The following FBXL12 variants were observed in gnomAD, a reference collection of about 807,000 sequenced individuals.
FBXL12 encodes the protein F-box and leucine rich repeat protein 12, also known as F-box/LRR-repeat protein 12.
In FBXL12, 22 loss-of-function variants were observed where a neutral mutation model predicts 24.9. The observed-to-expected ratio is 0.88, with a 90% CI of 0.63 to 1.26. The LOEUF is 1.26. Ranked by LOEUF, FBXL12 falls within the 50% of genes most tolerant of loss-of-function variation. The pLI is 0.00. For synonymous variants in FBXL12, 193 were observed against 193.8 expected (o/e 1.00, Z 0.03); for missense variants, 384 against 434.1 (o/e 0.88, Z 1.03).
chr19:9,811,679 G>A lies in FBXL12; in HGVS notation c.198C>T (p.Tyr66=). The A allele has an allele frequency of 6.6e-7, 1 of 1,515,492 alleles. No homozygotes were observed. Among genetic ancestry groups the A allele is most frequent in the Non-Finnish European group, 8.8e-7 (1 of 1,132,620 alleles). 93.9% of individuals were successfully genotyped at this position (1,515,492 alleles called of 1,614,324 possible). A position where few individuals can be genotyped will look rare whatever the true frequency, so the allele number is the denominator to read the frequency against. ...GCAGGGAATGGAGCCGGGATGCCATGTACCTTCGAAGGAGGTGCCACATGA... is the reference window on the plus strand; with the variant it reads ...GCAGGGAATGGAGCCGGGATGCCATATACCTTCGAAGGAGGTGCCACATGA... ...PKVMWHLLRR[Y]MASRLHSLRM... The change falls in exon 3 of 3, where the codon TAC becomes TAT. Residue 66 remains tyrosine (Y), a synonymous_variant. Coordinates refer to ENST00000247977, the MANE Select transcript of FBXL12 (RefSeq NM_017703.3). The surrounding 1 kb of genome is among the most constrained non-coding windows in gnomAD (Gnocchi z 6.0).
chr19:9,811,064 G>C lies in FBXL12; in HGVS notation c.813C>G (p.Pro271=). The C allele has an allele frequency of 6.2e-7, 1 of 1,612,286 alleles. No individual in the cohort carries two copies. The highest frequency in any genetic ancestry group is 8.5e-7 in the Non-Finnish European group (1 of 1,178,678). The change falls in exon 3 of 3, where the codon CCC becomes CCG. Residue 271 remains proline, a synonymous_variant. Transcript: ENST00000247977. This position sits in a 1 kb window ranked among gnomAD's most constrained non-coding sequence, Gnocchi z 6.0. ...GPLVTPEMPS[P]TEILSSCLTM... is the part of the protein sequence containing the mutation. ...TGAGGCAGGAGGAGAGGATTTCAGTGGGGGAGGGCATTTCTGGGGTGACGA... is the reference window on the plus strand; with the variant it reads ...TGAGGCAGGAGGAGAGGATTTCAGTCGGGGAGGGCATTTCTGGGGTGACGA...
chr19:9,812,110 T>C (rs1213753107), intron 2 of FBXL12, among the ~76,000 whole-genome samples: 1 of 151,976 alleles, frequency 6.6e-6, no homozygotes, highest in Non-Finnish European at 1.5e-5. Context: ...TGATTTTTAG[T>C]AGAGATGAGG....
chr19:9,811,508 G>A lies in FBXL12; in HGVS notation c.369C>T (p.Pro123=). 1.2e-6 allele frequency: 2 copies of A among 1,613,760 alleles called. No homozygotes were observed. Among genetic ancestry groups the A allele is most frequent in the South Asian group, 1.1e-5 (1 of 91,026 alleles). The change falls in exon 3 of 3, where the codon CCC becomes CCT. Residue 123 remains proline (P), a synonymous_variant. Coordinates refer to ENST00000247977, the MANE Select transcript of FBXL12 (RefSeq NM_017703.3). This position sits in a 1 kb window ranked among gnomAD's most constrained non-coding sequence, Gnocchi z 6.0. ...GCAGCTCCAGGGTCCTCAAGGTGCT[G>A]GGCAGGCTGGTGATGGGCACCATGC... ...DLSMVPITSL[P]STLRTLELHS...
At chr19:9,817,069 T>G (rs889136536) in intron 2 of FBXL12, among the ~76,000 whole-genome samples, 1 of 151,974 alleles carries the variant, frequency 6.6e-6, no homozygotes, top group African/African-American at 2.4e-5. Context: ...TTTCCCCGGG[T>G]CCCTCCCACA....
chr19:9,817,590 AC>A (rs1189594497), intron 2 of FBXL12, among the ~76,000 whole-genome samples: 1 of 152,184 alleles, frequency 6.6e-6, no homozygotes, highest in Admixed American at 6.6e-5. Flanking sequence ...TAATCCCAGC[AC>A]TTTGGGAGAC....
intron 2 of FBXL12, 94 bp downstream of exon 2, chr19:9,818,451 G>T: frequency 7.4e-7 from 1 of 1,346,176 alleles, no homozygotes; most frequent in Non-Finnish European, 1.0e-6. Context: ...TCCCCAGCCC[G>T]GGCCCCGACA....
Position 9,818,959 on chromosome 19 carries a change from C to T in FBXL12, c.-146G>A. The T allele has an allele frequency of 1.3e-6, 1 of 764,846 alleles. No homozygotes were observed. Among genetic ancestry groups the T allele is most frequent in the Non-Finnish European group, 2.1e-6 (1 of 470,754 alleles). The allele number at this position is 764,846 out of a possible 1,614,324, so 47.4% of individuals were successfully genotyped here. The stretch of plus-strand genomic sequence containing the variant: ...TCCTCTCGCTGGGAAGTGATTCGGT[C>T]CCAGGGCCGGACCAGCCGCGGATGG... On this transcript the variant is annotated 5_prime_UTR_variant, in exon 1 of 3. Coordinates refer to ENST00000247977, the MANE Select transcript of FBXL12 (RefSeq NM_017703.3).
intron 2 of FBXL12, among the ~76,000 whole-genome samples, chr19:9,817,632 T>C (rs750262212): frequency 4.4e-4 from 67 of 152,080 alleles, no homozygotes; most frequent in Admixed American, 2.6e-3. Context: ...AGTCCAGGAG[T>C]TCGAGACCAT....
At position 9,818,838 on chromosome 19, in the gene FBXL12, T is replaced by C; in HGVS notation, c.-25A>G. The stretch of plus-strand genomic sequence containing the variant: ...TGATCCCGCCGACACGCACTTCCGC[T>C]TCCGGTTAAAGAGACCCGAGGGGTC... On this transcript the variant is annotated 5_prime_UTR_variant, in exon 1 of 3. Transcript: ENST00000247977. 6.5e-7 allele frequency: 1 copy of C among 1,544,340 alleles called. No homozygotes were observed. The highest frequency in any genetic ancestry group is 8.8e-7 in the Non-Finnish European group (1 of 1,141,184).
Position 9,810,571 on chromosome 19 carries a change from C to T in FBXL12, c.*325G>A, listed in dbSNP as rs1024968491. On this transcript the variant is annotated 3_prime_UTR_variant, in exon 3 of 3. Coordinates refer to ENST00000247977, the MANE Select transcript of FBXL12 (RefSeq NM_017703.3). ...TCTTCATCCGTCCTGTTCCTGAAGACGACCATGAAGGTGACTCTTCATTGA... is the reference window on the plus strand; with the variant it reads ...TCTTCATCCGTCCTGTTCCTGAAGATGACCATGAAGGTGACTCTTCATTGA... 5.3e-5 allele frequency: 12 copies of T among 226,782 alleles called. No individual in the cohort carries two copies. Among genetic ancestry groups the T allele is most frequent in the African/African-American group, 2.2e-4 (10 of 44,726 alleles). 14.0% of individuals were successfully genotyped at this position (226,782 alleles called of 1,614,324 possible). A position where few individuals can be genotyped will look rare whatever the true frequency, so the allele number is the denominator to read the frequency against.
At position 9,818,499 on chromosome 19, in the gene FBXL12, GGGCACCGCGACCGCGGCCCA is replaced by G. The variant is rs766311904; in HGVS notation, c.159+26_159+45del. The G allele has an allele frequency of 2.8e-5, 43 of 1,525,280 alleles. No homozygotes were observed. The South Asian group carries it at 4.8e-4, about 17-fold the overall frequency. The allele number at this position is 1,525,280 out of a possible 1,614,324, so 94.5% of individuals were successfully genotyped here. ...GTGGGAGAGGTGGTCTTCGGGGTCCGGGCACCGCGACCGCGGCCCAGGCCCGCCCGGCCAGCTGCGCGTAC... is the reference window on the plus strand; with the variant it reads ...GTGGGAGAGGTGGTCTTCGGGGTCCGGGCCCGCCCGGCCAGCTGCGCGTAC... On this transcript the variant is annotated intron_variant, in intron 2 of 2. Transcript: ENST00000247977.
chr19:9,815,642 C>A (rs1302991773), intron 2 of FBXL12, among the ~76,000 whole-genome samples: 1 of 151,242 alleles, frequency 6.6e-6, no homozygotes, highest in East Asian at 2.0e-4. Context: ...GGCAGAGGTT[C>A]CTAAACTTCA....
intron 2 of FBXL12, chr19:9,814,400 C>T (rs769317571): frequency 6.6e-6 from 1 of 152,122 alleles, no homozygotes; most frequent in South Asian, 2.1e-4. Context: ...GTCCCAGCTA[C>T]TAAGGAGGCT....
Position 9,818,858 on chromosome 19 carries a change from G to C in FBXL12, c.-45C>G. 1.3e-6 allele frequency: 2 copies of C among 1,496,538 alleles called. No individual in the cohort carries two copies. Among genetic ancestry groups the C allele is most frequent in the Middle Eastern group, 1.7e-4 (1 of 5,758 alleles). The allele number at this position is 1,496,538 out of a possible 1,614,324, so 92.7% of individuals were successfully genotyped here. The stretch of plus-strand genomic sequence containing the variant: ...TCCGCTTCCGGTTAAAGAGACCCGA[G>C]GGGTCCTGGGGGCGCCGAGGCGGCT... On this transcript the variant is annotated 5_prime_UTR_variant, in exon 1 of 3. Transcript: ENST00000247977.
At position 9,811,155 on chromosome 19, in the gene FBXL12, G is replaced by A. The variant is rs2045737773; in HGVS notation, c.722C>T (p.Ser241Phe). 1 of 1,606,916 alleles carries A rather than the reference G, an allele frequency of 6.2e-7. No homozygotes were observed. The highest frequency in any genetic ancestry group is 8.5e-7 in the Non-Finnish European group (1 of 1,174,120). Residue 241 changes from serine to phenylalanine, a missense_variant, in exon 3 of 3, where the codon TCT becomes TTT. Physicochemically the swap from Ser to Phe is radical, Grantham distance 155. Transcript: ENST00000247977. This position sits in a 1 kb window ranked among gnomAD's most constrained non-coding sequence, Gnocchi z 6.0. ...RKIRLTVRGLSAPGLAVLEGM... is the reference protein window; with the variant it reads ...RKIRLTVRGLFAPGLAVLEGM... Reference sequence around the variant, plus strand: ...CTCCAGCACAGCCAGGCCAGGGGCAGAGAGGCCCCTCACGGTCAGCCGGAT... The same window carrying A: ...CTCCAGCACAGCCAGGCCAGGGGCAAAGAGGCCCCTCACGGTCAGCCGGAT...
chr19:9,812,424 A>G (rs1317841957), intron 2 of FBXL12, among the ~76,000 whole-genome samples: 2 of 151,366 alleles, frequency 1.3e-5, no homozygotes, highest in Non-Finnish European at 2.9e-5. Flanking sequence ...CCAGCTACTC[A>G]AGAGGCTGAG....
At chr19:9,817,906 C>G (rs1411195262) in intron 2 of FBXL12, among the ~76,000 whole-genome samples, 1 of 152,096 alleles carries the variant, frequency 6.6e-6, no homozygotes, top group Non-Finnish European at 1.5e-5. Context: ...TCAAAAAGGG[C>G]AACAAATATA....
rs945110255 is a variant in FBXL12, at chr19:9,810,667, T to C, written c.*229A>G. The C allele has an allele frequency of 8.3e-5, 37 of 444,820 alleles. No homozygotes were observed. The highest frequency in any genetic ancestry group is 6.8e-4 in the African/African-American group (35 of 51,824). 27.6% of individuals were successfully genotyped at this position (444,820 alleles called of 1,614,324 possible). ...AACCGTGAGGTAGCTATGATCATCC[T>C]TATTTCCAGATGTGGGAACTAGGCT... is the stretch of plus-strand genomic sequence containing the variant. On this transcript the variant is annotated 3_prime_UTR_variant, in exon 3 of 3. Transcript: ENST00000247977.
Position 9,811,432 on chromosome 19 carries a change from C to T in FBXL12, c.445G>A (p.Val149Met). 4 of 1,613,668 alleles carry T rather than the reference C, an allele frequency of 2.5e-6. No individual in the cohort carries two copies. Among genetic ancestry groups the T allele is most frequent in the Non-Finnish European group, 1.7e-6 (2 of 1,179,994 alleles). ...AWLHKQQDPT[V>M]LPLLECIVLD... ...ACGATGCATTCAAGCAGGGGCAGCA[C>T]GGTGGGGTCCTGCTGCTTGTGGAGC... is the stretch of plus-strand genomic sequence containing the variant. Residue 149 changes from valine to methionine, a missense_variant, in exon 3 of 3, where the codon GTG becomes ATG. Val to Met is a conservative substitution (Grantham distance 21). Transcript: ENST00000247977. This position sits in a 1 kb window ranked among gnomAD's most constrained non-coding sequence, Gnocchi z 6.0.
Sources: gnomAD v4.1 joint callset for allele counts (sites outside exome capture counted in the v4.1 genomes callset) on GRCh38, gnomAD v4.1.1 for gene constraint, Gnocchi (gnomAD v3.1) non-coding constraint, MANE v1.5 for transcripts, NCBI Gene and HGNC (gene_info 2026-07-23, HGNC 2026-07-21) for gene names.